The following PDE3B variants were observed in gnomAD, a reference collection of about 807,000 sequenced individuals.
PDE3B encodes the protein phosphodiesterase 3B.
Under a neutral mutation model 116.8 loss-of-function variants are expected in PDE3B, and 66 were observed. The ratio of observed to expected loss-of-function variants is 0.56; its 90% CI spans 0.46 to 0.69. The LOEUF (loss-of-function observed/expected upper bound fraction) is 0.69, where lower values mean the gene tolerates loss of function less well. PDE3B is among the 30% of genes least tolerant of loss of function. The probability of loss-of-function intolerance (pLI) is 0.00; values close to 1 mark genes in which losing one functional copy is unlikely to be tolerated. For missense variants in PDE3B, 1,384 were observed against 1,368.1 expected (o/e 1.01, Z -0.18); for synonymous variants, 595 against 533.6 (o/e 1.12, Z -1.59).
chr11:14,804,286 G>A (rs1250070990), intron 5 of PDE3B, among the ~76,000 whole-genome samples: 4 of 151,898 alleles, frequency 2.6e-5, no homozygotes, highest in African/African-American at 4.8e-5. Context: ...GGGATTCAGA[G>A]ATAAAATATA....
At chr11:14,692,429 G>T (rs137888324) in intron 1 of PDE3B, among the ~76,000 whole-genome samples, 135 of 152,114 alleles carry the variant, frequency 8.9e-4, no homozygotes, top group Non-Finnish European at 1.7e-3. Flanking sequence ...ATGTTTCGCA[G>T]ATACTGTGTT....
chr11:14,679,906 G>A (rs1854648986), intron 1 of PDE3B, among the ~76,000 whole-genome samples: 1 of 151,910 alleles, frequency 6.6e-6, no homozygotes, highest in South Asian at 2.1e-4. Flanking sequence ...ACTAGAGTGG[G>A]ACCAAATGCT....
At chr11:14,838,921 C>A (rs1860142490) in intron 11 of PDE3B, among the ~76,000 whole-genome samples, 1 of 152,168 alleles carries the variant, frequency 6.6e-6, no homozygotes, top group Non-Finnish European at 1.5e-5. Context: ...TCCTTGTATA[C>A]TGTAGAGGAA....
chr11:14,825,903 A>G (rs1035553908), intron 7 of PDE3B, among the ~76,000 whole-genome samples: 1 of 152,224 alleles, frequency 6.6e-6, no homozygotes, highest in Admixed American at 6.5e-5. Flanking sequence ...AAAGAACTGA[A>G]GTCATGCCAA....
intron 15 of PDE3B, among the ~76,000 whole-genome samples, chr11:14,868,267 C>T (rs1361463450): frequency 6.6e-6 from 1 of 152,216 alleles, no homozygotes; most frequent in African/African-American, 2.4e-5. Context: ...ATAGGGCCAT[C>T]ACCACATCTG....
the PDE3B span, chr11:14,878,167 C>T: frequency 1.2e-6 from 2 of 1,613,110 alleles, no homozygotes; most frequent in South Asian, 2.2e-5. Flanking sequence ...GCTGCAATGT[C>T]ATGCCTAACC....
At chr11:14,721,920 T>A (rs1856111220) in intron 1 of PDE3B, among the ~76,000 whole-genome samples, 5 of 120,802 alleles carry the variant, frequency 4.1e-5, no homozygotes, top group Non-Finnish European at 3.4e-5. Flanking sequence ...AAACTTAAAG[T>A]ATAATTAAAA....
At chr11:14,783,263 A>G (rs1858083271) in intron 2 of PDE3B, among the ~76,000 whole-genome samples, 1 of 152,378 alleles carries the variant, frequency 6.6e-6, no homozygotes, top group East Asian at 1.9e-4. Context: ...TACTGGGTAT[A>G]TACCCAAAGG....
Position 14,871,487 on chromosome 11 carries a change from G to A in PDE3B, c.*1827G>A, listed in dbSNP as rs1555009093. On this transcript the variant is annotated 3_prime_UTR_variant, in exon 16 of 16. Coordinates refer to ENST00000282096, the MANE Select transcript of PDE3B (RefSeq NM_000922.4). ...TCCTGCAGAATACATACAAGTGTAT[G>A]TGTATAAAGTCATACATGTACAAGC... 6.6e-6 allele frequency: 1 copy of A among 152,102 alleles called. No individual in the cohort carries two copies. Among genetic ancestry groups the A allele is most frequent in the South Asian group, 2.1e-4 (1 of 4,824 alleles). The allele number at this position is 152,102 out of a possible 1,614,324, so 9.4% of individuals were successfully genotyped here.
intron 1 of PDE3B, among the ~76,000 whole-genome samples, chr11:14,663,287 C>T (rs1478546492): frequency 2.6e-5 from 4 of 152,054 alleles, no homozygotes; most frequent in Non-Finnish European, 5.9e-5. Flanking sequence ...CAGGCCTGCC[C>T]TAAAAGAGCT....
At chr11:14,677,130 A>G (rs991560793) in intron 1 of PDE3B, among the ~76,000 whole-genome samples, 1 of 152,124 alleles carries the variant, frequency 6.6e-6, no homozygotes, top group Non-Finnish European at 1.5e-5. Flanking sequence ...CTTAGTTTTT[A>G]ATTTTTTTTC....
intron 3 of PDE3B, among the ~76,000 whole-genome samples, chr11:14,786,965 G>A (rs1216668413): frequency 6.6e-6 from 1 of 151,938 alleles, no homozygotes; most frequent in Non-Finnish European, 1.5e-5. Flanking sequence ...TTCCAGGCTT[G>A]TACAACAAAC....
At chr11:14,897,990 T>C in the PDE3B span, among the ~76,000 whole-genome samples, 1 of 152,158 alleles carries the variant, frequency 6.6e-6, no homozygotes, top group Non-Finnish European at 1.5e-5. Context: ...ATCCCTGTAT[T>C]ACTCTTTTCC....
intron 1 of PDE3B, among the ~76,000 whole-genome samples, chr11:14,689,371 T>C (rs184807580): frequency 1.3e-5 from 2 of 152,272 alleles, no homozygotes; most frequent in Non-Finnish European, 2.9e-5. Context: ...GCTAGAGTTA[T>C]ACTCTAGAAG....
rs139911786 is a variant in PDE3B, at chr11:14,797,474, A to G, written c.1416-6470A>G. Among the ~76,000 whole-genome samples the G allele has an allele frequency of 1.2e-4, 18 of 152,278 alleles. No individual in the cohort carries two copies. In the East Asian group the frequency reaches 1.9e-3, roughly 16 times the overall value. ...TTTTCTAATTCTGTGAAGAAAGTCA[A>G]TGGTAGCTTGATGGGGATAGCACTG... On this transcript the variant is annotated intron_variant, in intron 4 of 15. Coordinates refer to ENST00000282096, the MANE Select transcript of PDE3B (RefSeq NM_000922.4).
At chr11:14,735,725 T>C (rs1400371493) in intron 1 of PDE3B, among the ~76,000 whole-genome samples, 2 of 152,188 alleles carry the variant, frequency 1.3e-5, no homozygotes, top group African/African-American at 4.8e-5. Context: ...TAGAGTGTTT[T>C]CATCATCGAA....
intron 1 of PDE3B, among the ~76,000 whole-genome samples, chr11:14,731,966 G>A: frequency 6.6e-6 from 1 of 152,148 alleles, no homozygotes; most frequent in Non-Finnish European, 1.5e-5. Flanking sequence ...AAGGGTAAAG[G>A]GGAATTCTAG....
chr11:14,773,897 A>G (rs1010271940), intron 2 of PDE3B: 1 of 152,192 alleles, frequency 6.6e-6, no homozygotes, highest in Admixed American at 6.6e-5. Context: ...TAAGCTCACT[A>G]CTTTGTTTTT....
chr11:14,722,056 A>G (rs902841125), intron 1 of PDE3B, among the ~76,000 whole-genome samples: 13 of 151,884 alleles, frequency 8.6e-5, no homozygotes, highest in Admixed American at 2.0e-4. Context: ...AACTATCGCC[A>G]GGACAAAAAA....
Sources: allele counts gnomAD v4.1 joint callset (sites outside exome capture counted in the v4.1 genomes callset), GRCh38; gene constraint gnomAD v4.1.1; transcripts MANE v1.5; gene names NCBI Gene and HGNC (gene_info 2026-07-23, HGNC 2026-07-21).